P2RY12: variants seen among roughly 807,000 people sequenced by gnomAD.
P2RY12 encodes purinergic receptor P2Y12.
A neutral mutation model predicts 4.5 loss-of-function variants in P2RY12; 3 were observed. That is an observed-to-expected ratio of 0.67 (90% CI 0.31 to 1.74). P2RY12 has a LOEUF of 1.74. P2RY12 is among the 40% of genes most tolerant of loss of function. The pLI, the probability that P2RY12 is intolerant of heterozygous loss-of-function variation, is 0.09. For missense variants in P2RY12, 356 were observed against 407.8 expected, an observed-to-expected ratio of 0.87 and a Z score of 1.09; for synonymous variants, 148 against 154.1, an observed-to-expected ratio of 0.96 and a Z score of 0.29.
At chr3:151,365,217 T>A (rs1755128501) in intron 1 of P2RY12, 1 of 1,604,688 alleles carries the variant, frequency 6.2e-7, no homozygotes, top group African/African-American at 1.3e-5. Flanking sequence ...GTGAGATGGG[T>A]TACCCTGGAA....
At chr3:151,365,184 A>G (rs777510339) in intron 1 of P2RY12, 21 of 1,613,748 alleles carry the variant, frequency 1.3e-5, no homozygotes, top group East Asian at 4.5e-5. Flanking sequence ...GAATGTATGT[A>G]TGGGCCATCA....
intron 1 of P2RY12, among the ~76,000 whole-genome samples, chr3:151,367,444 A>G (rs1755423218): frequency 6.6e-6 from 1 of 152,214 alleles, no homozygotes; most frequent in African/African-American, 2.4e-5. Context: ...CAGCATTGGA[A>G]TGTGGGTAAA....
chr3:151,355,412 C>T (rs999759878), intron 1 of P2RY12, among the ~76,000 whole-genome samples: 6 of 151,984 alleles, frequency 3.9e-5, no homozygotes, highest in African/African-American at 7.3e-5. Flanking sequence ...TTGCCTTCCT[C>T]GAAGGATTAA....
chr3:151,352,791 T>C (rs1175651466), intron 1 of P2RY12, among the ~76,000 whole-genome samples: 1 of 152,188 alleles, frequency 6.6e-6, no homozygotes, highest in African/African-American at 2.4e-5. Flanking sequence ...GGTGTATCTT[T>C]TGAAAATATT....
At chr3:151,383,067 A>T (rs184290466) in intron 1 of P2RY12, among the ~76,000 whole-genome samples, 1 of 151,838 alleles carries the variant, frequency 6.6e-6, no homozygotes, top group South Asian at 2.1e-4. Context: ...AGCTTCTACT[A>T]TACTTACTTA....
intron 1 of P2RY12, chr3:151,355,781 C>A (rs962121207): frequency 1.2e-6 from 1 of 827,680 alleles, no homozygotes; most frequent in Non-Finnish European, 1.8e-6. Context: ...TTTTGACTTT[C>A]GTCAAAGTAG....
chr3:151,380,661 A>G (rs180985519), intron 1 of P2RY12, among the ~76,000 whole-genome samples: 305 of 152,240 alleles, frequency 2.0e-3, no homozygotes, highest in Non-Finnish European at 3.0e-3. Flanking sequence ...CTGAGAAACA[A>G]TCCATGCCTT....
chr3:151,352,695 G>A (rs1753386034), intron 1 of P2RY12, among the ~76,000 whole-genome samples: 1 of 152,152 alleles, frequency 6.6e-6, no homozygotes, highest in Non-Finnish European at 1.5e-5. Context: ...GGAATTTATA[G>A]TATAAAGTTT....
At chr3:151,348,364 G>A (rs73157981) in intron 1 of P2RY12, among the ~76,000 whole-genome samples, 782 of 117,910 alleles carry the variant, frequency 6.6e-3, no homozygotes, top group Middle Eastern at 9.5e-3. Context: ...AAAAAAAAAA[G>A]AAAAAAGAAA....
At position 151,338,822 on chromosome 3, in the gene P2RY12, G is replaced by A; in HGVS notation, c.24C>T (p.Thr8=). The A allele has an allele frequency of 6.8e-6, 11 of 1,613,814 alleles. No homozygotes were observed. The highest frequency in any genetic ancestry group is 1.1e-5 in the South Asian group (1 of 91,056). Residue 8 remains threonine, a synonymous_variant, in exon 3 of 3, where the codon ACC becomes ACT. Transcript: ENST00000302632. MQAVDNL[T]SAPGNTSLCT... ...ACAGACTGGTGTTACCAGGCGCAGA[G>A]GTGAGGTTGTCGACGGCTTGCATTT... is the stretch of plus-strand genomic sequence containing the variant.
At chr3:151,340,491 A>C (rs1219286753) in intron 2 of P2RY12, 105 bp downstream of exon 2, 1 of 152,622 alleles carries the variant, frequency 6.6e-6, no homozygotes, top group East Asian at 1.9e-4. Context: ...GCTTGCATTG[A>C]TAGTTATTAA....
chr3:151,340,233 T>A (rs1303961047), intron 2 of P2RY12, among the ~76,000 whole-genome samples: 1 of 152,206 alleles, frequency 6.6e-6, no homozygotes, highest in Non-Finnish European at 1.5e-5. Flanking sequence ...TTTTGGAAAT[T>A]CGACTTAGTG....
At chr3:151,368,335 T>A in intron 1 of P2RY12, 1 of 1,198,788 alleles carries the variant, frequency 8.3e-7, no homozygotes. Context: ...TCCCTTTCTG[T>A]AATTGCCTTC....
At chr3:151,380,778 A>G (rs1027511824) in intron 1 of P2RY12, among the ~76,000 whole-genome samples, 4 of 152,214 alleles carry the variant, frequency 2.6e-5, no homozygotes, top group Admixed American at 1.3e-4. Flanking sequence ...TATATATTGC[A>G]TATAACTTTG....
intron 1 of P2RY12, chr3:151,366,016 A>G: frequency 1.3e-6 from 2 of 1,530,720 alleles, no homozygotes; most frequent in Non-Finnish European, 1.8e-6. Context: ...TCATTTAAAA[A>G]TTGAACTGTG....
At position 151,337,452 on chromosome 3, in the gene P2RY12, T is replaced by C. The variant is rs1489612991; in HGVS notation, c.*365A>G. 1 of 215,918 alleles carries C rather than the reference T, an allele frequency of 4.6e-6. No individual in the cohort carries two copies. Among genetic ancestry groups the C allele is most frequent in the Non-Finnish European group, 9.4e-6 (1 of 106,684 alleles). The allele number at this position is 215,918 out of a possible 1,614,324, so 13.4% of individuals were successfully genotyped here. ...TATCCAATTGATCGTTCTTCCTTAG[T>C]TGATTATGAAAAAATAAAATTGTGA... On this transcript the variant is annotated 3_prime_UTR_variant, in exon 3 of 3. Transcript: ENST00000302632.
At chr3:151,360,644 T>G (rs756182410) in intron 1 of P2RY12, 5 of 1,566,102 alleles carry the variant, frequency 3.2e-6, no homozygotes, top group African/African-American at 1.4e-5. Context: ...AATAGGATCA[T>G]GCCTATGTTT....
intron 1 of P2RY12, among the ~76,000 whole-genome samples, chr3:151,343,986 G>A (rs147233054): frequency 6.6e-6 from 1 of 152,108 alleles, no homozygotes; most frequent in African/African-American, 2.4e-5. Context: ...TTAAAGCAGT[G>A]CATAGTCATG....
chr3:151,380,326 G>A, intron 1 of P2RY12: 1 of 770,852 alleles, frequency 1.3e-6, no homozygotes, highest in Non-Finnish European at 2.0e-6. Context: ...GCCAGGTGTG[G>A]TGGCTCATGC....
Sources: allele counts gnomAD v4.1 joint callset (sites outside exome capture counted in the v4.1 genomes callset), GRCh38; gene constraint gnomAD v4.1.1; transcripts MANE v1.5; gene names NCBI Gene and HGNC (gene_info 2026-07-23, HGNC 2026-07-21).